Variants in SPMIP2 observed in about 807,000 individuals in gnomAD.
SPMIP2 encodes the protein sperm microtubule inner protein 2, also known as protein SPMIP2.
chr4:158,906,117 T>C, the SPMIP2 span: 7 of 152,200 alleles, frequency 4.6e-5, no homozygotes, highest in South Asian at 8.3e-4. Context: ...AAAATTGAAA[T>C]GTTCATTCTT....
At chr4:159,077,111 C>T in the SPMIP2 span, among the ~76,000 whole-genome samples, 2 of 151,906 alleles carry the variant, frequency 1.3e-5, no homozygotes, top group African/African-American at 2.4e-5. Context: ...GCTAGGATTA[C>T]AGGCGCGAGC....
At chr4:159,017,261 A>G in the SPMIP2 span, among the ~76,000 whole-genome samples, 1 of 152,080 alleles carries the variant, frequency 6.6e-6, no homozygotes, top group African/African-American at 2.4e-5. Context: ...GTTAAGGATA[A>G]ACAGTTATCC....
chr4:159,043,988 A>G, the SPMIP2 span, among the ~76,000 whole-genome samples: 1 of 152,242 alleles, frequency 6.6e-6, no homozygotes, highest in Admixed American at 6.5e-5. Flanking sequence ...GAAATGGATT[A>G]TAACCAGGCT....
At chr4:158,899,813 A>AT in the SPMIP2 span, among the ~76,000 whole-genome samples, 2 of 151,954 alleles carry the variant, frequency 1.3e-5, no homozygotes, top group African/African-American at 4.8e-5. Flanking sequence ...GGATTCATTG[A>AT]TTTTTTGAAG....
the SPMIP2 span, among the ~76,000 whole-genome samples, chr4:159,001,639 C>T: frequency 6.6e-6 from 1 of 152,134 alleles, no homozygotes; most frequent in African/African-American, 2.4e-5. Context: ...GGCTAATGGC[C>T]TCCAGTTCTA....
At chr4:159,021,289 T>C in the SPMIP2 span, among the ~76,000 whole-genome samples, 3 of 152,236 alleles carry the variant, frequency 2.0e-5, no homozygotes, top group Admixed American at 6.5e-5. Context: ...GCAGCCATAA[T>C]GGCCAATTGG....
chr4:158,928,681 A>G, the SPMIP2 span, among the ~76,000 whole-genome samples: 2 of 152,176 alleles, frequency 1.3e-5, no homozygotes, highest in Non-Finnish European at 2.9e-5. Flanking sequence ...CCTTCCACAC[A>G]GTGGAAGCTT....
the SPMIP2 span, among the ~76,000 whole-genome samples, chr4:158,935,818 T>C: frequency 6.6e-5 from 10 of 152,302 alleles, no homozygotes; most frequent in South Asian, 6.2e-4. Context: ...CTAAAACCAA[T>C]AGGACAAACT....
chr4:158,909,747 T>TA, the SPMIP2 span, among the ~76,000 whole-genome samples: 1 of 151,650 alleles, frequency 6.6e-6, no homozygotes, highest in Non-Finnish European at 1.5e-5. Flanking sequence ...CTAATTTTTT[T>TA]AAAAAAAATT....
At chr4:159,001,451 C>G in the SPMIP2 span, among the ~76,000 whole-genome samples, 798 of 152,176 alleles carry the variant, frequency 5.2e-3, 6 homozygotes, top group African/African-American at 0.018. Context: ...GATTGTCACC[C>G]AGGTACTAAG....
chr4:158,915,366 T>C, the SPMIP2 span: 1 of 1,604,010 alleles, frequency 6.2e-7, no homozygotes, highest in South Asian at 1.1e-5. Context: ...TTGCCTGGAA[T>C]AGGAACAAAT....
At chr4:158,996,049 C>T in the SPMIP2 span, among the ~76,000 whole-genome samples, 2 of 152,110 alleles carry the variant, frequency 1.3e-5, no homozygotes, top group Non-Finnish European at 2.9e-5. Flanking sequence ...GAGACTCGCA[C>T]GACGTCTCGT....
the SPMIP2 span, among the ~76,000 whole-genome samples, chr4:158,918,829 A>G: frequency 6.6e-6 from 1 of 152,236 alleles, no homozygotes; most frequent in African/African-American, 2.4e-5. Flanking sequence ...CAGATGGGCC[A>G]TGAGTGCCAG....
chr4:158,930,810 A>T, the SPMIP2 span, among the ~76,000 whole-genome samples: 4 of 152,108 alleles, frequency 2.6e-5, no homozygotes, highest in Non-Finnish European at 5.9e-5. Flanking sequence ...CCCAGCCTTT[A>T]CTAAGGATCT....
At chr4:159,018,766 G>A in the SPMIP2 span, among the ~76,000 whole-genome samples, 464 of 152,156 alleles carry the variant, frequency 3.0e-3, 1 homozygote, top group African/African-American at 0.01. Flanking sequence ...TCAACAGGTG[G>A]TTTTGATAAA....
the SPMIP2 span, among the ~76,000 whole-genome samples, chr4:158,921,010 C>T: frequency 6.6e-6 from 1 of 152,242 alleles, no homozygotes; most frequent in Non-Finnish European, 1.5e-5. Flanking sequence ...TCTGTTTATA[C>T]TCTTTCTCTT....
the SPMIP2 span, among the ~76,000 whole-genome samples, chr4:158,960,949 A>G: frequency 6.9e-6 from 1 of 144,746 alleles, no homozygotes; most frequent in South Asian, 2.1e-4. Flanking sequence ...TGACTGCTAT[A>G]TACTGACTCC....
the SPMIP2 span, among the ~76,000 whole-genome samples, chr4:158,988,102 T>A: frequency 3.9e-4 from 60 of 152,234 alleles, no homozygotes; most frequent in Middle Eastern, 0.014. Context: ...CATCAGAGAA[T>A]ACTATAAACA....
the SPMIP2 span, among the ~76,000 whole-genome samples, chr4:158,938,011 C>A: frequency 2.0e-5 from 3 of 152,222 alleles, no homozygotes. Flanking sequence ...ACATCATTAA[C>A]AATTCAAACA....
Sources: allele counts gnomAD v4.1 joint callset (sites outside exome capture counted in the v4.1 genomes callset), GRCh38; gene constraint gnomAD v4.1.1; transcripts MANE v1.5; gene names NCBI Gene and HGNC (gene_info 2026-07-23, HGNC 2026-07-21).